Variants in AK5 observed in about 807,000 individuals in gnomAD.
AK5 encodes the protein adenylate kinase 5.
Under a neutral mutation model 69.5 loss-of-function variants are expected in AK5, and 27 were observed. The ratio of observed to expected loss-of-function variants is 0.39; its 90% CI spans 0.29 to 0.54. The LOEUF (loss-of-function observed/expected upper bound fraction) is 0.54, where lower values mean the gene tolerates loss of function less well. Among genes scored for constraint, AK5 ranks in the 20% least tolerant of loss-of-function variants. AK5 has a pLI of 0.71. For synonymous variants in AK5, 260 were observed against 244.4 expected, an observed-to-expected ratio of 1.06 and a Z score of -0.60; for missense variants, 531 against 700.4, an observed-to-expected ratio of 0.76 and a Z score of 2.73.
intron 6 of AK5, among the ~76,000 whole-genome samples, chr1:77,382,104 A>G (rs1017224937): frequency 6.6e-6 from 1 of 152,108 alleles, no homozygotes; most frequent in African/African-American, 2.4e-5. Flanking sequence ...ATTTTCAGAC[A>G]TTCTTTTCAT....
At chr1:77,492,363 C>T (rs7536307) in intron 10 of AK5, among the ~76,000 whole-genome samples, 90,192 of 152,052 alleles carry the variant, frequency 0.59, 27,994 homozygotes, top group Non-Finnish European at 0.68. Context: ...AATAACACTG[C>T]TGCCGTGCAC....
chr1:77,282,716 G>T, intron 1 of AK5: 1 of 1,072,356 alleles, frequency 9.3e-7, no homozygotes, highest in Non-Finnish European at 1.1e-6. Context: ...CGAGGGCCAG[G>T]TCAGGTGGCT....
chr1:77,356,613 G>T (rs1273805252), intron 6 of AK5, among the ~76,000 whole-genome samples: 1 of 152,172 alleles, frequency 6.6e-6, no homozygotes, highest in Admixed American at 6.5e-5. Context: ...TGGGCTGTGA[G>T]GACTGAGTGA....
chr1:77,523,451 C>A lies in AK5; in HGVS notation c.1428+1508C>A, dbSNP rs1413956708. ...AAAAAAATCACTTCAAGAGCACAAA[C>A]CTCAATATAAATTAACTAGTTTTTT... On this transcript the variant is annotated intron_variant, in intron 12 of 13. Transcript: ENST00000354567. 2.2e-4 allele frequency among the ~76,000 whole-genome samples: 34 copies of A among 152,164 alleles called. 1 individual carries two copies. Among genetic ancestry groups the A allele is most frequent in the Non-Finnish European group, 2.9e-5 (2 of 68,008 alleles).
intron 8 of AK5, among the ~76,000 whole-genome samples, chr1:77,462,815 T>C (rs1050668417): frequency 3.3e-5 from 5 of 152,150 alleles, no homozygotes; most frequent in Non-Finnish European, 7.3e-5. Context: ...GAAAATACCA[T>C]TGAGATAGCT....
At chr1:77,327,204 C>T (rs995907598) in intron 5 of AK5, among the ~76,000 whole-genome samples, 2 of 151,782 alleles carry the variant, frequency 1.3e-5, no homozygotes, top group Admixed American at 6.6e-5. Flanking sequence ...CTGGGCAAAC[C>T]AGGAAGACCC....
intron 5 of AK5, among the ~76,000 whole-genome samples, chr1:77,300,288 T>C (rs142597801): frequency 7.0e-4 from 106 of 152,340 alleles, no homozygotes; most frequent in Non-Finnish European, 1.5e-3. Context: ...GTTATCTCTA[T>C]GTAGAATGAG....
intron 6 of AK5, among the ~76,000 whole-genome samples, chr1:77,356,198 T>A (rs1662517992): frequency 6.6e-6 from 1 of 152,172 alleles, no homozygotes; most frequent in Non-Finnish European, 1.5e-5. Flanking sequence ...ATTTCAGAAA[T>A]AATGTGTAAT....
Position 77,517,695 on chromosome 1 carries a change from A to T in AK5, c.1148-869A>T, listed in dbSNP as rs192889717. ...AGATACTCAGAATTGATAATAGCTA[A>T]GGAAAAAAATAAGGTAATAAAACAT... On this transcript the variant is annotated intron_variant, in intron 10 of 13. Coordinates refer to ENST00000354567, the MANE Select transcript of AK5 (RefSeq NM_174858.3). Among the ~76,000 whole-genome samples, 433 of 152,326 alleles carry T rather than the reference A, an allele frequency of 2.8e-3. 2 individuals are homozygous for T. Among genetic ancestry groups the T allele is most frequent in the African/African-American group, 9.6e-3 (399 of 41,562 alleles).
At chr1:77,509,561 G>A (rs544551230) in intron 10 of AK5, among the ~76,000 whole-genome samples, 4 of 151,992 alleles carry the variant, frequency 2.6e-5, no homozygotes, top group African/African-American at 9.7e-5. Context: ...AGAGTCATTC[G>A]GTCACAAAAA....
chr1:77,286,647 A>C (rs1170954587), intron 1 of AK5, among the ~76,000 whole-genome samples: 1 of 151,836 alleles, frequency 6.6e-6, no homozygotes, highest in East Asian at 1.9e-4. Flanking sequence ...AGGAGTTCGA[A>C]ACCAACCTGG....
chr1:77,293,622 G>T, intron 2 of AK5, 171 bp from the exon 3 acceptor site: 1 of 518,354 alleles, frequency 1.9e-6, no homozygotes, highest in Non-Finnish European at 3.3e-6. Context: ...CCAAAATATT[G>T]ACTATCTGAC....
Position 77,559,443 on chromosome 1 carries a change from TTAA to T in AK5, c.*776_*778del, listed in dbSNP as rs989486243. ...GGTGATGCATTTCAGCAATTATAAA[TTAA>T]TATAAATGACCAAAAGTAACTTAAA... is the stretch of plus-strand genomic sequence containing the variant. On this transcript the variant is annotated 3_prime_UTR_variant, in exon 14 of 14. Coordinates refer to ENST00000354567, the MANE Select transcript of AK5 (RefSeq NM_174858.3). 2 of 152,190 alleles carry T rather than the reference TTAA, an allele frequency of 1.3e-5. No homozygotes were observed. The highest frequency in any genetic ancestry group is 2.9e-5 in the Non-Finnish European group (2 of 68,032). 9.4% of individuals were successfully genotyped at this position (152,190 alleles called of 1,614,324 possible). A position where few individuals can be genotyped will look rare whatever the true frequency, so the allele number is the denominator to read the frequency against.
intron 5 of AK5, among the ~76,000 whole-genome samples, chr1:77,313,631 C>T (rs1244226141): frequency 1.3e-5 from 2 of 152,032 alleles, no homozygotes; most frequent in East Asian, 1.9e-4. Context: ...CCTTATAAGG[C>T]GATGGAGTCC....
intron 8 of AK5, among the ~76,000 whole-genome samples, chr1:77,481,646 G>A (rs1453217451): frequency 6.6e-6 from 1 of 152,162 alleles, no homozygotes; most frequent in African/African-American, 2.4e-5. Context: ...ACTGACTCAG[G>A]CATCAAAGTG....
intron 10 of AK5, among the ~76,000 whole-genome samples, chr1:77,495,465 C>T (rs1184036398): frequency 6.6e-6 from 1 of 152,214 alleles, no homozygotes; most frequent in African/African-American, 2.4e-5. Flanking sequence ...ACAAAGACCT[C>T]TGTCTACCCC....
At chr1:77,411,928 T>A (rs993443957) in intron 7 of AK5, among the ~76,000 whole-genome samples, 2 of 152,174 alleles carry the variant, frequency 1.3e-5, no homozygotes, top group African/African-American at 4.8e-5. Context: ...CTGCCTAACT[T>A]TCTGATGAGA....
chr1:77,305,207 C>T (rs1471165833), intron 5 of AK5, among the ~76,000 whole-genome samples: 1 of 151,966 alleles, frequency 6.6e-6, no homozygotes, highest in African/African-American at 2.4e-5. Flanking sequence ...TGTTTGCGCT[C>T]CTTGTATATT....
intron 6 of AK5, among the ~76,000 whole-genome samples, chr1:77,402,839 T>G (rs1471449757): frequency 6.6e-6 from 1 of 152,200 alleles, no homozygotes; most frequent in Non-Finnish European, 1.5e-5. Context: ...TCAAATGGTA[T>G]TTCTAGTTCT....
Sources: allele counts gnomAD v4.1 joint callset (sites outside exome capture counted in the v4.1 genomes callset), GRCh38; gene constraint gnomAD v4.1.1; transcripts MANE v1.5; gene names NCBI Gene and HGNC (gene_info 2026-07-23, HGNC 2026-07-21).